SEPSECS: variants seen among roughly 807,000 people sequenced by gnomAD.
SEPSECS encodes Sep (O-phosphoserine) tRNA:Sec (selenocysteine) tRNA synthase.
SEPSECS carries 42 observed loss-of-function variants against 52.1 expected under a neutral mutation model. The ratio of observed to expected loss-of-function variants is 0.81; its 90% CI spans 0.63 to 1.04. The LOEUF (loss-of-function observed/expected upper bound fraction) is 1.04, where lower values mean the gene tolerates loss of function less well. Ranked by LOEUF, SEPSECS falls within the 50% of genes least tolerant of loss-of-function variation. The pLI is 0.00. For synonymous variants in SEPSECS, 216 were observed against 211.4 expected (o/e 1.02, Z -0.19); for missense variants, 590 against 610.6 (o/e 0.97, Z 0.36).
intron 10 of SEPSECS, 57 bp from the exon 11 acceptor site, chr4:25,124,282 C>A (rs904866057): frequency 1.2e-5 from 18 of 1,514,706 alleles, no homozygotes; most frequent in Non-Finnish European, 1.6e-5. Flanking sequence ...CACAATGTCA[C>A]CCATAAACAA....
intron 4 of SEPSECS, 143 bp from the exon 5 acceptor site, chr4:25,155,294 G>A (rs958142244): frequency 4.6e-6 from 4 of 861,026 alleles, no homozygotes; most frequent in Middle Eastern, 2.2e-4. Flanking sequence ...ATAAATACAC[G>A]GCTCAGTACT....
At chr4:25,154,867 T>C (rs1712523982) in intron 5 of SEPSECS, 131 bp downstream of exon 5, 1 of 967,300 alleles carries the variant, frequency 1.0e-6, no homozygotes, top group Admixed American at 2.1e-5. Context: ...CTCCACAAGG[T>C]CAATCTATTC....
At chr4:25,160,146 C>T (rs892873296) in intron 1 of SEPSECS, 110 bp downstream of exon 1, 2 of 1,516,448 alleles carry the variant, frequency 1.3e-6, no homozygotes, top group African/African-American at 2.8e-5. Flanking sequence ...AGACTTGGGA[C>T]TAGTCTCAAG....
At chr4:25,153,282 T>C (rs760371352) in intron 5 of SEPSECS, among the ~76,000 whole-genome samples, 88 of 152,006 alleles carry the variant, frequency 5.8e-4, no homozygotes, top group Non-Finnish European at 1.2e-3. Context: ...GGCACTTTCA[T>C]ATGTGTGTGT....
chr4:25,124,918 A>C (rs915173144), intron 10 of SEPSECS, among the ~76,000 whole-genome samples: 5 of 152,050 alleles, frequency 3.3e-5, no homozygotes, highest in Admixed American at 3.3e-4. Context: ...TTTTCAAAGA[A>C]GTCAATTAGG....
chr4:25,124,296 A>G, intron 10 of SEPSECS, 71 bp from the exon 11 acceptor site: 2 of 1,440,422 alleles, frequency 1.4e-6, no homozygotes, highest in East Asian at 2.4e-5. Context: ...TAAACAAAAG[A>G]TATGTGTTAC....
chr4:25,135,289 T>A (rs572072195), intron 8 of SEPSECS, among the ~76,000 whole-genome samples: 65 of 150,946 alleles, frequency 4.3e-4, no homozygotes, highest in Admixed American at 1.2e-3. Flanking sequence ...TGGGTTTTTT[T>A]AAAAAATTAA....
chr4:25,125,987 G>A (rs771229629), intron 9 of SEPSECS, among the ~76,000 whole-genome samples: 4 of 151,940 alleles, frequency 2.6e-5, no homozygotes, highest in Non-Finnish European at 4.4e-5. Flanking sequence ...CTCCAAATAC[G>A]AAACAGAATT....
rs148513007 is a variant in SEPSECS, at chr4:25,156,665, G to A, written c.388+191C>T. On this transcript the variant is annotated intron_variant, in intron 3 of 10. Transcript: ENST00000382103. ...GGAGCTTGCAGTGAGCCGAGATCGCGCCACTGCATTCCAGCCTGGGCAACA... is the reference window on the plus strand; with the variant it reads ...GGAGCTTGCAGTGAGCCGAGATCGCACCACTGCATTCCAGCCTGGGCAACA... Among the ~76,000 whole-genome samples the A allele has an allele frequency of 9.6e-3, 1,147 of 119,050 alleles. 6 individuals are homozygous for A. The highest frequency in any genetic ancestry group is 0.013 in the Non-Finnish European group (789 of 62,624). The allele number at this position is 119,050 out of a possible 152,430, so 78.1% of individuals were successfully genotyped here. A position where few individuals can be genotyped will look rare whatever the true frequency, so the allele number is the denominator to read the frequency against.
At chr4:25,125,575 T>G in intron 10 of SEPSECS, 119 bp downstream of exon 10, 1 of 729,976 alleles carries the variant, frequency 1.4e-6, no homozygotes, top group Non-Finnish European at 2.5e-6. Flanking sequence ...CTTTACTCCA[T>G]GATGAATTCG....
rs1231350838 is a variant in SEPSECS at position 25,122,489 on chromosome 4, TA to T, written c.*1441del. 1 of 152,196 alleles carries T rather than the reference TA, an allele frequency of 6.6e-6. No homozygotes were observed. The highest frequency in any genetic ancestry group is 1.5e-5 in the Non-Finnish European group (1 of 68,014). The allele number at this position is 152,196 out of a possible 1,614,324, so 9.4% of individuals were successfully genotyped here. A position where few individuals can be genotyped will look rare whatever the true frequency, so the allele number is the denominator to read the frequency against. ...TGGGCTGTTAACAAATATTTCACTT[TA>T]AAAAAATGAGTTTCTCTTTGGATAA... On this transcript the variant is annotated 3_prime_UTR_variant, in exon 11 of 11. Coordinates refer to ENST00000382103, the MANE Select transcript of SEPSECS (RefSeq NM_016955.4).
chr4:25,159,110 T>TAAA lies in SEPSECS; in HGVS notation c.115-6_115-4dup, dbSNP rs34423002. The TAAA allele has an allele frequency of 1.4e-3, 2,028 of 1,456,988 alleles. No homozygotes were observed. The highest frequency in any genetic ancestry group is 2.0e-3 in the South Asian group (150 of 76,342). The allele number at this position is 1,456,988 out of a possible 1,614,324, so 90.3% of individuals were successfully genotyped here. A position where few individuals can be genotyped will look rare whatever the true frequency, so the allele number is the denominator to read the frequency against. ...CAGCCATTCTCTGGACACTTGCCCT[T>TAAA]AAAAAAAAAAAAAAACTTATGATTA... On this transcript the variant is annotated splice_region_variant and splice_polypyrimidine_tract_variant and intron_variant, in intron 1 of 10. Transcript: ENST00000382103.
rs148426869 is a variant in SEPSECS, at chr4:25,134,986, G to T, written c.1027-7629C>A. On this transcript the variant is annotated intron_variant, in intron 8 of 10. Coordinates refer to ENST00000382103, the MANE Select transcript of SEPSECS (RefSeq NM_016955.4). ...CTGGGTAAATAACGAAATTAAGGCA[G>T]AAATAAAGAAGTTCTTTGAAACTAA... 4.8e-3 allele frequency among the ~76,000 whole-genome samples: 733 copies of T among 152,230 alleles called. 2 individuals are homozygous for T. Among genetic ancestry groups the T allele is most frequent in the African/African-American group, 0.016 (680 of 41,538 alleles).
At chr4:25,133,604 A>G (rs896106278) in intron 8 of SEPSECS, among the ~76,000 whole-genome samples, 1 of 152,228 alleles carries the variant, frequency 6.6e-6, no homozygotes, top group Non-Finnish European at 1.5e-5. Context: ...ACATCAAGAC[A>G]TAACAGAAAT....
At chr4:25,127,176 G>T in intron 9 of SEPSECS, 88 bp downstream of exon 9, 1 of 798,644 alleles carries the variant, frequency 1.3e-6, no homozygotes. Flanking sequence ...ATTATAACTA[G>T]AAAGAGTTTT....
At position 25,135,743 on chromosome 4, in the gene SEPSECS, T is replaced by A. The variant is rs539763765; in HGVS notation, c.1027-8386A>T. Among the ~76,000 whole-genome samples the A allele has an allele frequency of 7.1e-3, 1,061 of 149,044 alleles. 9 individuals carry two copies. The highest frequency in any genetic ancestry group is 0.021 in the African/African-American group (839 of 40,684). On this transcript the variant is annotated intron_variant, in intron 8 of 10. Transcript: ENST00000382103. ...TGATATCAAAACCTGGCAGAAATTT[T>A]AAAAAAAAAACTTCAGGCCAATATC...
At chr4:25,154,866 G>T in intron 5 of SEPSECS, 132 bp downstream of exon 5, 1 of 962,790 alleles carries the variant, frequency 1.0e-6, no homozygotes, top group Non-Finnish European at 1.6e-6. Context: ...TCTCCACAAG[G>T]TCAATCTATT....
At position 25,123,695 on chromosome 4, in the gene SEPSECS, A is replaced by C; in HGVS notation, c.*236T>G. 3 of 517,042 alleles carry C rather than the reference A, an allele frequency of 5.8e-6. No individual in the cohort carries two copies. Among genetic ancestry groups the C allele is most frequent in the Non-Finnish European group, 1.0e-5 (3 of 289,804 alleles). 32.0% of individuals were successfully genotyped at this position (517,042 alleles called of 1,614,324 possible). A position where few individuals can be genotyped will look rare whatever the true frequency, so the allele number is the denominator to read the frequency against. ...ATGCTTAATTGACAGATATTCTAAC[A>C]ATTAGAAAAATGCTAATTGTATATT... On this transcript the variant is annotated 3_prime_UTR_variant, in exon 11 of 11. Transcript: ENST00000382103.
In SEPSECS at chr4:25,127,352, C is replaced by G. The variant is rs1728423321; in HGVS notation, c.1032G>C (p.Met344Ile). 4 of 1,609,570 alleles carry G rather than the reference C, an allele frequency of 2.5e-6. No homozygotes were observed. The highest frequency in any genetic ancestry group is 3.4e-6 in the Non-Finnish European group (4 of 1,176,542). Residue 344 changes from methionine to isoleucine, a missense_variant, in exon 9 of 11, where the codon ATG becomes ATC. By Grantham distance (10) the Met-to-Ile change is conservative. Coordinates refer to ENST00000382103, the MANE Select transcript of SEPSECS (RefSeq NM_016955.4). ...TTATTTGGTTGGACAAATATGAAAA[C>G]ATTTCCTGCAACAACAAAATGTCAC... ...YKKLLKERKE[M>I]FSYLSNQIKK... is the part of the protein sequence containing the mutation.
Sources: allele counts gnomAD v4.1 joint callset (sites outside exome capture counted in the v4.1 genomes callset), GRCh38; gene constraint gnomAD v4.1.1; transcripts MANE v1.5; gene names NCBI Gene and HGNC (gene_info 2026-07-23, HGNC 2026-07-21).